The following EXOC2 variants were observed in gnomAD, a reference collection of about 807,000 sequenced individuals.
The protein encoded by EXOC2 is SEC5-like 1.
Under a neutral mutation model 131.8 loss-of-function variants are expected in EXOC2, and 70 were observed. The ratio of observed to expected loss-of-function variants is 0.53; its 90% CI spans 0.44 to 0.65. The LOEUF (loss-of-function observed/expected upper bound fraction) is 0.65, where lower values mean the gene tolerates loss of function less well. Among genes scored for constraint, EXOC2 ranks in the 30% least tolerant of loss-of-function variants. The probability of loss-of-function intolerance (pLI) is 0.00; values close to 1 mark genes in which losing one functional copy is unlikely to be tolerated. For synonymous variants in EXOC2, 411 were observed against 398.4 expected (o/e 1.03, Z -0.38); for missense variants, 923 against 1,108.6 (o/e 0.83, Z 2.38).
chr6:548,846 A>G (rs1341252215), intron 22 of EXOC2, among the ~76,000 whole-genome samples: 1 of 152,158 alleles, frequency 6.6e-6, no homozygotes, highest in Non-Finnish European at 1.5e-5. Flanking sequence ...AATATGAGAT[A>G]ATTCTGAAAG....
At chr6:638,631 A>G (rs555535072) in intron 1 of EXOC2, among the ~76,000 whole-genome samples, 1 of 152,382 alleles carries the variant, frequency 6.6e-6, no homozygotes, top group Non-Finnish European at 1.5e-5. Context: ...ACAGGAGGCA[A>G]GCAATAAATA....
At chr6:688,003 G>A (rs188329699) in intron 1 of EXOC2, among the ~76,000 whole-genome samples, 1 of 152,308 alleles carries the variant, frequency 6.6e-6, no homozygotes, top group Non-Finnish European at 1.5e-5. Flanking sequence ...CAAAGGCGGG[G>A]TAGATGGGAT....
intron 11 of EXOC2, among the ~76,000 whole-genome samples, chr6:580,144 C>A (rs111265794): frequency 1.3e-5 from 2 of 151,270 alleles, no homozygotes; most frequent in African/African-American, 4.9e-5. Flanking sequence ...TGGGTTCAAG[C>A]GATTCTCTTG....
chr6:591,081 T>C (rs960497077), intron 11 of EXOC2, among the ~76,000 whole-genome samples: 5 of 152,192 alleles, frequency 3.3e-5, no homozygotes, highest in African/African-American at 7.2e-5. Flanking sequence ...GCCCTATCAG[T>C]TCTATTCCTG....
At chr6:607,199 G>A (rs1042229146) in intron 7 of EXOC2, among the ~76,000 whole-genome samples, 2 of 152,176 alleles carry the variant, frequency 1.3e-5, no homozygotes, top group African/African-American at 2.4e-5. Flanking sequence ...GAACTGAACC[G>A]TGATGACTGA....
At chr6:549,153 C>T (rs754924996) in intron 22 of EXOC2, 22 bp downstream of exon 22, 11 of 1,583,440 alleles carry the variant, frequency 6.9e-6, no homozygotes, top group Admixed American at 1.7e-5. Flanking sequence ...CCGACTTGTG[C>T]GTTTTACATG....
chr6:594,035 A>G (rs1159091966), intron 10 of EXOC2, among the ~76,000 whole-genome samples: 1 of 152,192 alleles, frequency 6.6e-6, no homozygotes, highest in African/African-American at 2.4e-5. Flanking sequence ...GAGAGCTGCC[A>G]TCTCCTCCCC....
At chr6:523,522 A>G (rs1442388548) in intron 23 of EXOC2, among the ~76,000 whole-genome samples, 2 of 152,250 alleles carry the variant, frequency 1.3e-5, no homozygotes, top group Non-Finnish European at 2.9e-5. Context: ...TTTTGTAGAC[A>G]TTGAGTATAC....
intron 4 of EXOC2, among the ~76,000 whole-genome samples, chr6:628,935 C>T (rs1021218748): frequency 4.6e-5 from 7 of 152,210 alleles, no homozygotes; most frequent in Admixed American, 1.3e-4. Context: ...TCAAAGCTCA[C>T]GTGAAGCTGC....
chr6:515,798 A>G (rs998203322), intron 23 of EXOC2, among the ~76,000 whole-genome samples: 1 of 152,156 alleles, frequency 6.6e-6, no homozygotes, highest in Non-Finnish European at 1.5e-5. Flanking sequence ...ACGATTTCCA[A>G]CAACAAAGGA....
In EXOC2 at chr6:564,851, C is replaced by T. The variant is rs1302238602; in HGVS notation, c.1509+13G>A. On this transcript the variant is annotated intron_variant, in intron 14 of 27. Coordinates refer to ENST00000230449, the MANE Select transcript of EXOC2 (RefSeq NM_018303.6). ...CCTGTGAAAAGGTCTACATACTTAT[C>T]ACCCTTACTCACCTTAAAATCATTT... The T allele has an allele frequency of 4.3e-6, 7 of 1,610,290 alleles. No homozygotes were observed. The African/African-American group carries it at 8.0e-5, about 18-fold the overall frequency.
Position 553,915 on chromosome 6 carries a change from G to GA in EXOC2, c.2059dup (p.Ser687PhefsTer3). The GA allele has an allele frequency of 6.2e-7, 1 of 1,613,808 alleles. No homozygotes were observed. Among genetic ancestry groups the GA allele is most frequent in the Non-Finnish European group, 8.5e-7 (1 of 1,179,732 alleles). On this transcript the variant is annotated frameshift_variant, in exon 21 of 28. Coordinates refer to ENST00000230449, the MANE Select transcript of EXOC2 (RefSeq NM_018303.6). LOFTEE classifies it high-confidence loss of function. ...CAAGTCAGGGGAAGAAACATCAACA[G>GA]AGAGACTGAACATAGAAGCAAGTAG...
intron 22 of EXOC2, among the ~76,000 whole-genome samples, chr6:534,276 T>G (rs1473385652): frequency 6.6e-6 from 1 of 152,056 alleles, no homozygotes; most frequent in East Asian, 1.9e-4. Flanking sequence ...AAACAAGCAG[T>G]AGGAGAAAAT....
intron 1 of EXOC2, among the ~76,000 whole-genome samples, chr6:662,858 G>A (rs192084885): frequency 6.6e-6 from 1 of 152,096 alleles, no homozygotes; most frequent in African/African-American, 2.4e-5. Context: ...AAATACAAAA[G>A]ATAAATGAAA....
chr6:552,656 C>T (rs1486741582), intron 21 of EXOC2, among the ~76,000 whole-genome samples: 1 of 152,136 alleles, frequency 6.6e-6, no homozygotes, highest in Admixed American at 6.5e-5. Context: ...TCTCGTGAGC[C>T]TGTGTTTTCC....
intron 27 of EXOC2, among the ~76,000 whole-genome samples, chr6:487,204 C>T (rs1763121046): frequency 6.6e-6 from 1 of 152,190 alleles, no homozygotes; most frequent in South Asian, 2.1e-4. Context: ...CTCTAGTCAG[C>T]CTCTTCCCTA....
chr6:537,739 C>A lies in EXOC2; in HGVS notation c.2239-5129G>T, dbSNP rs76519237. 7.2e-3 allele frequency among the ~76,000 whole-genome samples: 1,089 copies of A among 152,284 alleles called. 6 individuals are homozygous for A. Among genetic ancestry groups the A allele is most frequent in the Non-Finnish European group, 0.013 (880 of 68,008 alleles). Reference sequence around the variant, plus strand: ...AATGATTAAACAAAATCTGGTTATCCAAACTCAGCAATAAAAGAAAATGAC... The same window carrying A: ...AATGATTAAACAAAATCTGGTTATCAAAACTCAGCAATAAAAGAAAATGAC... On this transcript the variant is annotated intron_variant, in intron 22 of 27. Transcript: ENST00000230449.
At chr6:534,225 CA>C (rs1766289099) in intron 22 of EXOC2, among the ~76,000 whole-genome samples, 1 of 151,966 alleles carries the variant, frequency 6.6e-6, no homozygotes, top group African/African-American at 2.4e-5. Context: ...AATAGAAATT[CA>C]AGTAAAGAAA....
At chr6:662,167 G>C (rs181004847) in intron 1 of EXOC2, among the ~76,000 whole-genome samples, 13 of 152,172 alleles carry the variant, frequency 8.5e-5, no homozygotes, top group Admixed American at 7.9e-4. Flanking sequence ...ATTACTAATA[G>C]ATCTAAGCAA....
Sources: gnomAD v4.1 joint callset for allele counts (sites outside exome capture counted in the v4.1 genomes callset) on GRCh38, gnomAD v4.1.1 for gene constraint, MANE v1.5 for transcripts, NCBI Gene and HGNC (gene_info 2026-07-23, HGNC 2026-07-21) for gene names.